PXDNL: variants seen among roughly 807,000 people sequenced by gnomAD.
The protein encoded by PXDNL is probable oxidoreductase PXDNL.
In PXDNL, 145 loss-of-function variants were observed where a neutral mutation model predicts 150.8. The observed-to-expected ratio is 0.96, with a 90% confidence interval of 0.84 to 1.10. PXDNL has a LOEUF of 1.10. Among genes scored for constraint, PXDNL ranks in the 50% least tolerant of loss-of-function variants. PXDNL has a pLI of 0.00. For synonymous variants in PXDNL, 757 were observed against 725.7 expected (o/e 1.04, Z -0.69); for missense variants, 2,087 against 1,873.9 (o/e 1.11, Z -2.10).
At chr8:51,442,847 T>G (rs541431276) in intron 12 of PXDNL, among the ~76,000 whole-genome samples, 42 of 146,036 alleles carry the variant, frequency 2.9e-4, no homozygotes, top group African/African-American at 8.7e-4. Context: ...TCTTAGAGTT[T>G]TATTATCAAG....
intron 4 of PXDNL, among the ~76,000 whole-genome samples, chr8:51,531,044 G>A (rs1357957555): frequency 1.3e-5 from 2 of 151,660 alleles, no homozygotes; most frequent in East Asian, 1.9e-4. Context: ...GTCCAAATAC[G>A]GAAAGTTACT....
chr8:51,427,939 C>A (rs540710295), intron 12 of PXDNL, among the ~76,000 whole-genome samples: 1 of 152,222 alleles, frequency 6.6e-6, no homozygotes, highest in East Asian at 1.9e-4. Flanking sequence ...ATAAAACTGT[C>A]CCTATTTGCA....
chr8:51,715,210 C>T (rs1036996153), intron 1 of PXDNL, among the ~76,000 whole-genome samples: 1 of 152,128 alleles, frequency 6.6e-6, no homozygotes, highest in Non-Finnish European at 1.5e-5. Flanking sequence ...ATAGACATTT[C>T]GCCAAAGAAG....
chr8:51,498,265 A>C (rs930082192), intron 5 of PXDNL, among the ~76,000 whole-genome samples: 28 of 130,904 alleles, frequency 2.1e-4, no homozygotes, highest in Non-Finnish European at 3.2e-5. Context: ...GAAACATCAC[A>C]CACCGGGGCC....
chr8:51,328,833 C>T (rs563231606), intron 21 of PXDNL, among the ~76,000 whole-genome samples: 74 of 152,214 alleles, frequency 4.9e-4, no homozygotes, highest in African/African-American at 1.3e-3. Context: ...GCCCTGGCAG[C>T]GGGAGGGGAA....
At chr8:51,453,826 C>T in intron 9 of PXDNL, 41 bp from the exon 10 acceptor site, 1 of 1,598,526 alleles carries the variant, frequency 6.3e-7, no homozygotes. Flanking sequence ...CAGCAAGTAG[C>T]AGTTAGGAAG....
At chr8:51,612,574 T>G (rs1762167240) in intron 2 of PXDNL, among the ~76,000 whole-genome samples, 1 of 152,096 alleles carries the variant, frequency 6.6e-6, no homozygotes, top group Non-Finnish European at 1.5e-5. Flanking sequence ...GTGATGGTAT[T>G]GGGAAGTGGG....
intron 1 of PXDNL, among the ~76,000 whole-genome samples, chr8:51,784,643 AAAG>A (rs1345041092): frequency 3.3e-5 from 5 of 152,232 alleles, no homozygotes; most frequent in Non-Finnish European, 7.3e-5. Flanking sequence ...TCTAGTAATA[AAAG>A]ACAAAGGAAT....
chr8:51,622,775 G>T (rs184011173), intron 2 of PXDNL, among the ~76,000 whole-genome samples: 3 of 152,168 alleles, frequency 2.0e-5, no homozygotes, highest in Non-Finnish European at 4.4e-5. Context: ...TCTAATGATT[G>T]ATAAAGACTA....
intron 4 of PXDNL, among the ~76,000 whole-genome samples, chr8:51,503,136 C>G (rs1585532024): frequency 1.3e-5 from 2 of 151,980 alleles, no homozygotes; most frequent in Non-Finnish European, 2.9e-5. Context: ...GCCATGCTTC[C>G]CTAGAATAAA....
intron 1 of PXDNL, among the ~76,000 whole-genome samples, chr8:51,791,255 GTCT>G: frequency 6.6e-6 from 1 of 152,302 alleles, no homozygotes; most frequent in Non-Finnish European, 1.5e-5. Flanking sequence ...GCTAAGAGAC[GTCT>G]TCTTACACAG....
chr8:51,786,950 C>A (rs982051496), intron 1 of PXDNL, among the ~76,000 whole-genome samples: 1 of 152,076 alleles, frequency 6.6e-6, no homozygotes, highest in Non-Finnish European at 1.5e-5. Context: ...TTTTATTTAC[C>A]CTTCTTAAGA....
chr8:51,592,580 TAGTC>T lies in PXDNL; in HGVS notation c.308+43_308+46del, dbSNP rs536839569. ...TAAACACACACAAAAAAGGCAAAAA[TAGTC>T]AAACAACACCATAAGGCATTGTTGT... On this transcript the variant is annotated intron_variant, in intron 3 of 22. Coordinates refer to ENST00000356297, the MANE Select transcript of PXDNL (RefSeq NM_144651.5). 545 of 1,267,888 alleles carry T rather than the reference TAGTC, an allele frequency of 4.3e-4. 1 individual carries two copies. Among genetic ancestry groups the T allele is most frequent in the Non-Finnish European group, 5.5e-4 (502 of 913,376 alleles). 78.5% of individuals were successfully genotyped at this position (1,267,888 alleles called of 1,614,324 possible).
At chr8:51,727,163 A>C (rs1218107481) in intron 1 of PXDNL, among the ~76,000 whole-genome samples, 1 of 152,242 alleles carries the variant, frequency 6.6e-6, no homozygotes, top group African/African-American at 2.4e-5. Flanking sequence ...TATTTATAAT[A>C]AGTGCAGACT....
intron 19 of PXDNL, among the ~76,000 whole-genome samples, chr8:51,369,981 G>T (rs1380500918): frequency 6.6e-6 from 1 of 152,170 alleles, no homozygotes; most frequent in Non-Finnish European, 1.5e-5. Context: ...CCCTTGGTGG[G>T]GGCCTGCTCA....
chr8:51,693,386 C>G lies in PXDNL; in HGVS notation c.165-38626G>C, dbSNP rs542142103. On this transcript the variant is annotated intron_variant, in intron 1 of 22. Coordinates refer to ENST00000356297, the MANE Select transcript of PXDNL (RefSeq NM_144651.5). ...CAAGGTATTTATTTCATGAGAAACA[C>G]TAGGTTTATGCTCTACATTATTTAT... Among the ~76,000 whole-genome samples, 3 of 152,266 alleles carry G rather than the reference C, an allele frequency of 2.0e-5. No homozygotes were observed. In the South Asian group the frequency reaches 6.2e-4, roughly 32 times the overall value.
chr8:51,779,900 C>A (rs2037393740), intron 1 of PXDNL, among the ~76,000 whole-genome samples: 2 of 152,156 alleles, frequency 1.3e-5, no homozygotes, highest in African/African-American at 4.8e-5. Flanking sequence ...ACTGTAGTCA[C>A]CAGACAGCTT....
rs2037550246 is a variant in PXDNL at position 51,795,365 on chromosome 8, AC to A, written c.164+13815del. 2.0e-5 allele frequency among the ~76,000 whole-genome samples: 3 copies of A among 152,212 alleles called. 1 individual carries two copies. In the South Asian group the frequency reaches 6.2e-4, roughly 32 times the overall value. On this transcript the variant is annotated intron_variant, in intron 1 of 22. Coordinates refer to ENST00000356297, the MANE Select transcript of PXDNL (RefSeq NM_144651.5). The stretch of plus-strand genomic sequence containing the variant: ...TACATTCTTCTTGGTGCCACATGGC[AC>A]TTACTCTAAAATCAATCACATAATT...
chr8:51,333,849 A>C (rs1324041358), intron 21 of PXDNL, among the ~76,000 whole-genome samples: 1 of 152,198 alleles, frequency 6.6e-6, no homozygotes, highest in Non-Finnish European at 1.5e-5. Flanking sequence ...GAAATGAGAT[A>C]GACAGCAACA....
Sources: gnomAD v4.1 joint callset for allele counts (sites outside exome capture counted in the v4.1 genomes callset) on GRCh38, gnomAD v4.1.1 for gene constraint, MANE v1.5 for transcripts, NCBI Gene and HGNC (gene_info 2026-07-23, HGNC 2026-07-21) for gene names.